TNKS: variants seen among roughly 807,000 people sequenced by gnomAD.
TNKS encodes the protein poly [ADP-ribose] polymerase tankyrase-1.
Under a neutral mutation model 135.8 loss-of-function variants are expected in TNKS, and 72 were observed. That is an observed-to-expected ratio of 0.53 (90% confidence interval 0.44 to 0.64). TNKS has a LOEUF of 0.64. TNKS is among the 30% of genes least tolerant of loss of function. The probability of loss-of-function intolerance (pLI) is 0.00; values close to 1 mark genes in which losing one functional copy is unlikely to be tolerated. For synonymous variants in TNKS, 849 were observed against 649.3 expected (o/e 1.31, Z -4.68); for missense variants, 1,769 against 1,674.0 (o/e 1.06, Z -0.99).
intron 3 of TNKS, among the ~76,000 whole-genome samples, chr8:9,654,393 C>G (rs972071190): frequency 6.6e-6 from 1 of 150,724 alleles, no homozygotes; most frequent in Non-Finnish European, 1.5e-5. Flanking sequence ...CATGCTTTTA[C>G]AAAAAAAAAT....
intron 1 of TNKS, among the ~76,000 whole-genome samples, chr8:9,571,875 C>A (rs894459469): frequency 6.6e-6 from 1 of 152,132 alleles, no homozygotes; most frequent in Non-Finnish European, 1.5e-5. Flanking sequence ...ATTTACTGTG[C>A]CTTACTCTCT....
intron 4 of TNKS, 59 bp downstream of exon 4, chr8:9,680,046 G>A (rs1802717487): frequency 2.4e-6 from 3 of 1,260,866 alleles, no homozygotes; most frequent in South Asian, 1.2e-5. Context: ...AAGGAGGAGG[G>A]CAGGTGGAGG....
At chr8:9,653,162 AAAAGGAAGGACAC>A (rs1183261682) in intron 3 of TNKS, among the ~76,000 whole-genome samples, 1 of 152,202 alleles carries the variant, frequency 6.6e-6, no homozygotes, top group Non-Finnish European at 1.5e-5. Context: ...GAAAGAAATT[AAAAGGAAGGACAC>A]AAAGCACATT....
chr8:9,696,684 C>G lies in TNKS; in HGVS notation c.1108-7979C>G, dbSNP rs1004251427. Among the ~76,000 whole-genome samples, 10 of 152,220 alleles carry G rather than the reference C, an allele frequency of 6.6e-5. No individual in the cohort carries two copies. In the East Asian group the frequency reaches 1.9e-3, roughly 29 times the overall value. ...TCCAGGCTGAGAGTCAAATCAAGATCTCAATCCCATTTACAGTAGCCACAA... is the reference window on the plus strand; with the variant it reads ...TCCAGGCTGAGAGTCAAATCAAGATGTCAATCCCATTTACAGTAGCCACAA... On this transcript the variant is annotated intron_variant, in intron 5 of 26. Coordinates refer to ENST00000310430, the MANE Select transcript of TNKS (RefSeq NM_003747.3).
intron 3 of TNKS, among the ~76,000 whole-genome samples, chr8:9,650,734 A>C (rs1347519719): frequency 6.6e-6 from 1 of 152,012 alleles, no homozygotes; most frequent in Non-Finnish European, 1.5e-5. Flanking sequence ...TCAGATGCAT[A>C]GTTTGCAAAG....
chr8:9,731,889 G>A (rs978005410), intron 14 of TNKS, among the ~76,000 whole-genome samples: 2 of 150,612 alleles, frequency 1.3e-5, no homozygotes, highest in African/African-American at 4.8e-5. Context: ...CCAGGTTCAC[G>A]CCATTCTCCT....
At chr8:9,618,125 T>C (rs1585237073) in intron 3 of TNKS, among the ~76,000 whole-genome samples, 1 of 151,978 alleles carries the variant, frequency 6.6e-6, no homozygotes, top group East Asian at 1.9e-4. Flanking sequence ...TAGCTGGGAC[T>C]ACAGGCATGT....
chr8:9,681,125 C>T (rs982956009), intron 5 of TNKS: 5 of 191,798 alleles, frequency 2.6e-5, no homozygotes, highest in Non-Finnish European at 5.3e-5. Context: ...ATATGAGTGT[C>T]CTATTTACCC....
chr8:9,639,878 T>C (rs953663597), intron 3 of TNKS, among the ~76,000 whole-genome samples: 1 of 152,200 alleles, frequency 6.6e-6, no homozygotes, highest in African/African-American at 2.4e-5. Flanking sequence ...ACATATATCT[T>C]CCAGTAAATT....
intron 1 of TNKS, among the ~76,000 whole-genome samples, chr8:9,567,863 A>AT (rs1194400885): frequency 6.6e-6 from 1 of 152,220 alleles, no homozygotes; most frequent in African/African-American, 2.4e-5. Flanking sequence ...GTTTGAAAGT[A>AT]TGTAATGCCA....
chr8:9,667,023 G>A (rs573932029), intron 3 of TNKS, among the ~76,000 whole-genome samples: 6 of 152,282 alleles, frequency 3.9e-5, no homozygotes, highest in African/African-American at 1.2e-4. Flanking sequence ...TAGTTCTTGA[G>A]TGTTCCGATT....
chr8:9,580,747 T>C (rs561513705), intron 2 of TNKS, among the ~76,000 whole-genome samples: 2 of 152,302 alleles, frequency 1.3e-5, no homozygotes, highest in African/African-American at 4.8e-5. Context: ...ATTTGAACAC[T>C]TGAGGTTGAT....
intron 2 of TNKS, among the ~76,000 whole-genome samples, chr8:9,609,062 T>G (rs1162470989): frequency 6.6e-6 from 1 of 152,232 alleles, no homozygotes; most frequent in Non-Finnish European, 1.5e-5. Context: ...TTTATACATT[T>G]GCCCTATTAT....
chr8:9,651,055 C>G (rs936640965), intron 3 of TNKS, among the ~76,000 whole-genome samples: 1 of 152,054 alleles, frequency 6.6e-6, no homozygotes, highest in African/African-American at 2.4e-5. Flanking sequence ...TATACCAACA[C>G]CATTTGTTAA....
At chr8:9,687,493 T>G (rs2128800150) in intron 5 of TNKS, among the ~76,000 whole-genome samples, 1 of 152,288 alleles carries the variant, frequency 6.6e-6, no homozygotes, top group South Asian at 2.1e-4. Context: ...CTTTTTTATT[T>G]TTCATTAGGG....
At chr8:9,592,315 A>C (rs1312946075) in intron 2 of TNKS, among the ~76,000 whole-genome samples, 1 of 152,204 alleles carries the variant, frequency 6.6e-6, no homozygotes, top group African/African-American at 2.4e-5. Flanking sequence ...CTTTTCAAGG[A>C]TCAAAAGACT....
At chr8:9,558,584 G>A (rs981093723) in intron 1 of TNKS, 1 of 152,080 alleles carries the variant, frequency 6.6e-6, no homozygotes, top group Non-Finnish European at 1.5e-5. Context: ...GTGTATTAAT[G>A]TATTTAGGAT....
chr8:9,633,025 G>A (rs1800358012), intron 3 of TNKS, among the ~76,000 whole-genome samples: 1 of 152,124 alleles, frequency 6.6e-6, no homozygotes. Context: ...CACCGCACCC[G>A]GCCCTCTATG....
At chr8:9,644,772 T>G (rs1800854337) in intron 3 of TNKS, among the ~76,000 whole-genome samples, 2 of 152,152 alleles carry the variant, frequency 1.3e-5, no homozygotes, top group Non-Finnish European at 2.9e-5. Context: ...TGACCTTGGT[T>G]TTTTTTACTA....
Sources: allele counts gnomAD v4.1 joint callset (sites outside exome capture counted in the v4.1 genomes callset), GRCh38; gene constraint gnomAD v4.1.1; transcripts MANE v1.5; gene names NCBI Gene and HGNC (gene_info 2026-07-23, HGNC 2026-07-21).